MYO5A: variants seen among roughly 807,000 people sequenced by gnomAD.
MYO5A encodes myosin VA.
MYO5A carries 98 observed loss-of-function variants against 249.7 expected under a neutral mutation model. The observed-to-expected ratio is 0.39, with a 90% CI of 0.33 to 0.46. The LOEUF is 0.46. MYO5A is among the 20% of genes least tolerant of loss of function. The probability of loss-of-function intolerance (pLI) is 0.98; values close to 1 mark genes in which losing one functional copy is unlikely to be tolerated. For synonymous variants in MYO5A, 778 were observed against 810.6 expected (o/e 0.96, Z 0.68); for missense variants, 1,696 against 2,308.8 (o/e 0.73, Z 5.44).
At chr15:52,505,214 C>A in intron 1 of MYO5A, 1 of 771,864 alleles carries the variant, frequency 1.3e-6, no homozygotes, top group South Asian at 1.3e-5. Context: ...CTGAAAAGCC[C>A]CGCCGGCCTC....
At position 52,502,058 on chromosome 15, in the gene MYO5A, C is replaced by T. The variant is rs1319600643; in HGVS notation, c.27+26722G>A. ...TAAATTTTTGTTTGGGAGGCCAAAG[C>T]GGGCAGATCACCTGAGGTCAGGAGT... On this transcript the variant is annotated intron_variant, in intron 1 of 41. Coordinates refer to ENST00000399233, the MANE Select transcript of MYO5A (RefSeq NM_001382347.1). 4.6e-5 allele frequency among the ~76,000 whole-genome samples: 7 copies of T among 152,072 alleles called. No individual in the cohort carries two copies. The East Asian group carries it at 1.4e-3, about 29-fold the overall frequency.
intron 6 of MYO5A, among the ~76,000 whole-genome samples, chr15:52,409,770 C>T (rs928751430): frequency 6.6e-6 from 1 of 152,114 alleles, no homozygotes; most frequent in Non-Finnish European, 1.5e-5. Flanking sequence ...TATAGTATCT[C>T]CCATATCTCC....
At chr15:52,504,670 G>A (rs1410981709) in intron 1 of MYO5A, among the ~76,000 whole-genome samples, 1 of 152,122 alleles carries the variant, frequency 6.6e-6, no homozygotes. Flanking sequence ...GGGAGACCAA[G>A]GCGGGTGGAT....
At chr15:52,383,804 G>C (rs575296249) in intron 15 of MYO5A, among the ~76,000 whole-genome samples, 6 of 152,310 alleles carry the variant, frequency 3.9e-5, no homozygotes, top group Admixed American at 2.0e-4. Context: ...CACTCTCAGA[G>C]AACATAAGAC....
At chr15:52,355,874 G>A (rs1472409652) in intron 25 of MYO5A, among the ~76,000 whole-genome samples, 1 of 152,178 alleles carries the variant, frequency 6.6e-6, no homozygotes, top group Non-Finnish European at 1.5e-5. Context: ...CGACTGTATA[G>A]TTCTTAATAA....
At chr15:52,326,716 T>C (rs1367723895) in intron 36 of MYO5A, among the ~76,000 whole-genome samples, 1 of 152,218 alleles carries the variant, frequency 6.6e-6, no homozygotes, top group Non-Finnish European at 1.5e-5. Context: ...TTTTATGTTA[T>C]GTATGTTTTA....
In MYO5A at chr15:52,375,380, T is replaced by C. The variant is rs1165986702; in HGVS notation, c.2501A>G (p.Tyr834Cys). The change falls in exon 20 of 42, where the codon TAC (tyrosine) becomes TGC (cysteine). Residue 834 changes from tyrosine to cysteine, a missense_variant. Around this residue, in one of 5 missense-constraint regions of MYO5A, gnomAD observed 412 missense variants for 453.3 expected, o/e 0.91. Coordinates refer to ENST00000399233, the MANE Select transcript of MYO5A (RefSeq NM_001382347.1). Reference protein sequence around the residue: ...YWRMYVVRRRYKIRRAATIVL... With the variant: ...YWRMYVVRRRCKIRRAATIVL... ...GATAGTGGCAGCTCGTCTAATCTTG[T>C]ACCTCCTGCGGACCACATACATGCG... is the stretch of plus-strand genomic sequence containing the variant. The C allele has an allele frequency of 2.1e-5, 34 of 1,614,152 alleles. No individual in the cohort carries two copies. Among genetic ancestry groups the C allele is most frequent in the Non-Finnish European group, 2.7e-5 (32 of 1,179,992 alleles).
intron 13 of MYO5A, 97 bp from the exon 14 acceptor site, chr15:52,388,009 G>T (rs1401173104): frequency 1.1e-6 from 1 of 910,472 alleles, no homozygotes; most frequent in Non-Finnish European, 1.7e-6. Context: ...CAGGCTATAC[G>T]ATCAACTCTC....
rs188904089 is a variant in MYO5A at position 52,312,716 on chromosome 15, C to T, written c.*980G>A. ...AACCTGTCAAGGTTGAAAATATGCA[C>T]TGAAGGAATCAGATCTGGTAGTTAA... On this transcript the variant is annotated 3_prime_UTR_variant, in exon 42 of 42. Coordinates refer to ENST00000399233, the MANE Select transcript of MYO5A (RefSeq NM_001382347.1). The T allele has an allele frequency of 1.5e-4, 23 of 152,282 alleles. No homozygotes were observed. The highest frequency in any genetic ancestry group is 4.8e-4 in the African/African-American group (20 of 41,554). 9.4% of individuals were successfully genotyped at this position (152,282 alleles called of 1,614,324 possible).
In MYO5A at chr15:52,502,834, G is replaced by A. The variant is rs572720176; in HGVS notation, c.27+25946C>T. Among the ~76,000 whole-genome samples the A allele has an allele frequency of 4.7e-4, 71 of 152,284 alleles. 1 individual carries two copies. The highest frequency in any genetic ancestry group is 1.7e-3 in the African/African-American group (71 of 41,556). On this transcript the variant is annotated intron_variant, in intron 1 of 41. Coordinates refer to ENST00000399233, the MANE Select transcript of MYO5A (RefSeq NM_001382347.1). ...GATTGCCTTGTAAGTCTCAGCAAAC[G>A]ATACAAATTTAAGTACAAGTTGAAA...
At chr15:52,458,075 T>C (rs2076156533) in intron 1 of MYO5A, among the ~76,000 whole-genome samples, 1 of 151,906 alleles carries the variant, frequency 6.6e-6, no homozygotes, top group Admixed American at 6.6e-5. Flanking sequence ...AGGTAAAGAG[T>C]AAAATTATAA....
At chr15:52,506,181 C>G (rs911781035) in intron 1 of MYO5A, among the ~76,000 whole-genome samples, 1 of 152,042 alleles carries the variant, frequency 6.6e-6, no homozygotes, top group Non-Finnish European at 1.5e-5. Context: ...GAAACCCCGT[C>G]TCTACTAAAA....
At chr15:52,343,663 T>A (rs1367103876) in intron 30 of MYO5A, among the ~76,000 whole-genome samples, 2 of 152,222 alleles carry the variant, frequency 1.3e-5, no homozygotes, top group African/African-American at 4.8e-5. Flanking sequence ...TAATAAAACC[T>A]AATTTCCCAC....
At chr15:52,318,500 CAATAATGAGG>C (rs1261976514) in intron 39 of MYO5A, among the ~76,000 whole-genome samples, 1 of 142,532 alleles carries the variant, frequency 7.0e-6, no homozygotes, top group Non-Finnish European at 1.5e-5. Flanking sequence ...AATTATGTTA[CAATAATGAGG>C]TTATGCTGAG....
chr15:52,337,841 G>A lies in MYO5A; in HGVS notation c.4283C>T (p.Ser1428Leu), dbSNP rs1417260232. The change falls in exon 33 of 42, where the codon TCA (serine) becomes TTA (leucine). Residue 1428 changes from serine (S) to leucine (L), a missense_variant. Ser to Leu is a moderately radical substitution (Grantham distance 145, BLOSUM62 -2). Around this residue, in one of 5 missense-constraint regions of MYO5A, gnomAD observed 625 missense variants for 908.1 expected, o/e 0.69. Transcript: ENST00000399233. ...LYADDPKKYQSYRISLYKRMI... is the reference protein window; with the variant it reads ...LYADDPKKYQLYRISLYKRMI... ...CCGTTTGTAAAGGGAAATCCGATATGATTGATACTTCTTAGGGTCATCTGC... is the reference window on the plus strand; with the variant it reads ...CCGTTTGTAAAGGGAAATCCGATATAATTGATACTTCTTAGGGTCATCTGC... 6.5e-7 allele frequency: 1 copy of A among 1,544,560 alleles called. No individual in the cohort carries two copies. Among genetic ancestry groups the A allele is most frequent in the African/African-American group, 1.4e-5 (1 of 72,916 alleles).
At chr15:52,418,929 T>C (rs962893954) in intron 4 of MYO5A, among the ~76,000 whole-genome samples, 3 of 152,236 alleles carry the variant, frequency 2.0e-5, no homozygotes, top group African/African-American at 4.8e-5. Context: ...CTTTAAAATA[T>C]GTAATCTCTC....
At chr15:52,347,044 T>C (rs1016295653) in intron 29 of MYO5A, among the ~76,000 whole-genome samples, 2 of 152,020 alleles carry the variant, frequency 1.3e-5, no homozygotes, top group Non-Finnish European at 2.9e-5. Flanking sequence ...TAGTATAACA[T>C]AACATAGTAC....
intron 1 of MYO5A, among the ~76,000 whole-genome samples, chr15:52,437,615 AAG>A (rs1567126101): frequency 2.2e-5 from 3 of 137,794 alleles, no homozygotes; most frequent in Non-Finnish European, 4.7e-5. Flanking sequence ...AAAAAAAAAA[AAG>A]AGAGAGAGAT....
rs1555386579 is a variant in MYO5A, at chr15:52,504,054, C to CTCCTTTTT, written c.27+24725_27+24726insAAAAAGGA. The stretch of plus-strand genomic sequence containing the variant: ...AAGGCTGTTGCTGCTGTTTCTCCTT[C>CTCCTTTTT]TTTTTTTTTTTTTTTTTTTGCCTTT... On this transcript the variant is annotated intron_variant, in intron 1 of 41. Coordinates refer to ENST00000399233, the MANE Select transcript of MYO5A (RefSeq NM_001382347.1). Among the ~76,000 whole-genome samples, 115 of 122,934 alleles carry CTCCTTTTT rather than the reference C, an allele frequency of 9.4e-4. 5 individuals carry two copies. The highest frequency in any genetic ancestry group is 3.3e-3 in the African/African-American group (107 of 32,834). The allele number at this position is 122,934 out of a possible 152,430, so 80.6% of individuals were successfully genotyped here.
Sources: allele counts gnomAD v4.1 joint callset (sites outside exome capture counted in the v4.1 genomes callset), GRCh38; gene constraint gnomAD v4.1.1; regional missense constraint gnomAD v4.1.1; transcripts MANE v1.5; gene names NCBI Gene and HGNC (gene_info 2026-07-23, HGNC 2026-07-21).